CDK11A: variants seen among roughly 807,000 people sequenced by gnomAD.
CDK11A encodes cyclin-dependent kinase 11A.
CDK11A carries 55 observed loss-of-function variants against 83.6 expected under a neutral mutation model. That is an observed-to-expected ratio of 0.66 (90% CI 0.53 to 0.82). The LOEUF is 0.82. CDK11A is among the 40% of genes least tolerant of loss of function. The probability of loss-of-function intolerance (pLI) is 0.00; values close to 1 mark genes in which losing one functional copy is unlikely to be tolerated. For synonymous variants in CDK11A, 247 were observed against 302.7 expected (o/e 0.82, Z 1.91); for missense variants, 564 against 810.1 (o/e 0.70, Z 3.69).
At position 1,716,365 on chromosome 1, in the gene CDK11A, C is replaced by T. The variant is rs748675685; in HGVS notation, c.469G>A (p.Glu157Lys). Residue 157 changes from glutamate (E) to lysine (K), a missense_variant, in exon 5 of 20, where the codon GAG (glutamate) becomes AAG (lysine). Transcript: ENST00000404249. The part of the protein sequence containing the change: ...ERQKRREMAR[E>K]HSRRERDRLE... Reference sequence around the variant, plus strand: ...ACTCACCTTTCTCTCCTGGAATGCTCCCTTGCCATTTCCCTTCTCTTCTGT... The same window carrying T: ...ACTCACCTTTCTCTCCTGGAATGCTTCCTTGCCATTTCCCTTCTCTTCTGT... 1.2e-6 allele frequency: 2 copies of T among 1,609,214 alleles called. No individual in the cohort carries two copies. Among genetic ancestry groups the T allele is most frequent in the Admixed American group, 1.7e-5 (1 of 59,770 alleles).
At chr1:1,721,343 C>G (rs1346241413) in intron 3 of CDK11A, among the ~76,000 whole-genome samples, 1 of 150,452 alleles carries the variant, frequency 6.6e-6, no homozygotes, top group African/African-American at 2.5e-5. Context: ...ATAGTTAAAA[C>G]AGCACACCCC....
At chr1:1,706,520 G>A (rs1644316660) in intron 11 of CDK11A, among the ~76,000 whole-genome samples, 1 of 151,304 alleles carries the variant, frequency 6.6e-6, no homozygotes, top group South Asian at 2.1e-4. Context: ...CTCCACTCCA[G>A]CCTGGATGAC....
At chr1:1,718,027 G>A (rs113103071) in intron 4 of CDK11A, among the ~76,000 whole-genome samples, 1 of 98,178 alleles carries the variant, frequency 1.0e-5, no homozygotes. Context: ...TGTGACACAC[G>A]CATGCTTTTA....
chr1:1,705,240 CACAGCCACCT>C (rs1446716623), intron 12 of CDK11A, among the ~76,000 whole-genome samples: 1 of 120,504 alleles, frequency 8.3e-6, no homozygotes, highest in Non-Finnish European at 1.5e-5. Flanking sequence ...CACAGACACT[CACAGCCACCT>C]ACAGCCACCT....
chr1:1,713,520 C>G (rs1207249052), intron 5 of CDK11A, among the ~76,000 whole-genome samples: 13 of 111,900 alleles, frequency 1.2e-4, no homozygotes, highest in African/African-American at 3.8e-4. Context: ...ACTAAGAAAA[C>G]AACTTTCTTA....
chr1:1,704,720 G>A lies in CDK11A; in HGVS notation c.1459-65C>T, dbSNP rs1309816107. The A allele has an allele frequency of 6.3e-6, 10 of 1,599,896 alleles. 1 individual carries two copies. Among genetic ancestry groups the A allele is most frequent in the South Asian group, 1.1e-5 (1 of 89,682 alleles). On this transcript the variant is annotated intron_variant, in intron 13 of 19. Coordinates refer to ENST00000404249, the MANE Select transcript of CDK11A (RefSeq NM_024011.4). The stretch of plus-strand genomic sequence containing the variant: ...CCCCCACCCACCCCTGCACCCGGGC[G>A]CAGATGCTGAGGGACAGTAAGGACC...
chr1:1,703,758 C>T, intron 17 of CDK11A, 66 bp downstream of exon 17: 4 of 1,588,112 alleles, frequency 2.5e-6, no homozygotes, highest in Non-Finnish European at 3.4e-6. Context: ...CACCTGTGCG[C>T]CCCGCAGCCC....
At chr1:1,715,018 G>A (rs1040340508) in intron 5 of CDK11A, among the ~76,000 whole-genome samples, 31 of 148,310 alleles carry the variant, frequency 2.1e-4, no homozygotes, top group South Asian at 6.5e-4. Context: ...AAGGCAGCAA[G>A]GAAACTGCAG....
In CDK11A at chr1:1,704,445, T is replaced by A. The variant is rs771579447; in HGVS notation, c.1565-101A>T. 1.7e-5 allele frequency: 26 copies of A among 1,546,914 alleles called. 1 individual carries two copies. In the South Asian group the frequency reaches 2.9e-4, roughly 17 times the overall value. ...GCAGCAACAGAGGCTTCTCAGGGCT[T>A]TCCCTGTGGATGCAGCTGGCCCTCC... On this transcript the variant is annotated intron_variant, in intron 14 of 19. Transcript: ENST00000404249.
At chr1:1,712,087 G>A (rs1340625187) in intron 6 of CDK11A, among the ~76,000 whole-genome samples, 177 bp downstream of exon 6, 1 of 99,362 alleles carries the variant, frequency 1.0e-5, no homozygotes, top group East Asian at 2.8e-4. Context: ...CCGAGATCGC[G>A]CCACCGCACT....
chr1:1,716,853 T>A lies in CDK11A; in HGVS notation c.356-375A>T, dbSNP rs1422794194. On this transcript the variant is annotated intron_variant, in intron 4 of 19. Transcript: ENST00000404249. ...AAAAAAAAAAAAAAAAAAAAAAAAA[T>A]CACATGAAAATGAAATTAAATCAAG... 2.1e-4 allele frequency among the ~76,000 whole-genome samples: 19 copies of A among 89,606 alleles called. 1 individual carries two copies. Among genetic ancestry groups the A allele is most frequent in the South Asian group, 7.7e-4 (2 of 2,600 alleles). The allele number at this position is 89,606 out of a possible 152,430, so 58.8% of individuals were successfully genotyped here.
At chr1:1,713,584 C>T (rs549252177) in intron 5 of CDK11A, among the ~76,000 whole-genome samples, 15 of 89,084 alleles carry the variant, frequency 1.7e-4, no homozygotes, top group Admixed American at 2.8e-4. Flanking sequence ...AAGTCCAGTA[C>T]AATATAAAAC....
At chr1:1,720,272 A>AT in intron 3 of CDK11A, among the ~76,000 whole-genome samples, 1 of 144,602 alleles carries the variant, frequency 6.9e-6, no homozygotes, top group East Asian at 2.1e-4. Flanking sequence ...TTTTTTTTGT[A>AT]TTTTTTAGTA....
chr1:1,707,103 C>T (rs1644343968), intron 11 of CDK11A, among the ~76,000 whole-genome samples: 1 of 143,632 alleles, frequency 7.0e-6, no homozygotes, highest in Non-Finnish European at 1.5e-5. Flanking sequence ...CACTGCTCTC[C>T]AGTGCGGAGG....
chr1:1,719,700 C>T (rs1270434639), intron 3 of CDK11A, among the ~76,000 whole-genome samples: 2 of 140,714 alleles, frequency 1.4e-5, no homozygotes, highest in African/African-American at 2.7e-5. Flanking sequence ...ACTGCAACCT[C>T]CACCTTTCCG....
Position 1,704,026 on chromosome 1 carries a change from G to T in CDK11A, c.1794+13C>A. 6.3e-7 allele frequency: 1 copy of T among 1,598,164 alleles called. No homozygotes were observed. Among genetic ancestry groups the T allele is most frequent in the Non-Finnish European group, 8.5e-7 (1 of 1,170,484 alleles). ...TGGGGGACAGGGGAGGCACTCAGACGCCCAGGACTCACCTTGGCACCAAGC... is the reference window on the plus strand; with the variant it reads ...TGGGGGACAGGGGAGGCACTCAGACTCCCAGGACTCACCTTGGCACCAAGC... On this transcript the variant is annotated intron_variant, in intron 16 of 19. Coordinates refer to ENST00000404249, the MANE Select transcript of CDK11A (RefSeq NM_024011.4).
In CDK11A at chr1:1,719,529, T is replaced by C. The variant is rs1263484297; in HGVS notation, c.228-74A>G. Reference sequence around the variant, plus strand: ...AAGCATCAGGCTATTATGAGGTTTTTTCAACCCAGAAAAATGCATGATTCA... The same window carrying C: ...AAGCATCAGGCTATTATGAGGTTTTCTCAACCCAGAAAAATGCATGATTCA... On this transcript the variant is annotated intron_variant, in intron 3 of 19. Transcript: ENST00000404249. The C allele has an allele frequency of 4.0e-6, 5 of 1,236,428 alleles. 1 individual carries two copies. Among genetic ancestry groups the C allele is most frequent in the Non-Finnish European group, 5.3e-6 (5 of 941,478 alleles). 76.6% of individuals were successfully genotyped at this position (1,236,428 alleles called of 1,614,324 possible). A position where few individuals can be genotyped will look rare whatever the true frequency, so the allele number is the denominator to read the frequency against.
chr1:1,719,920 G>T (rs972905264), intron 3 of CDK11A, among the ~76,000 whole-genome samples: 1 of 148,536 alleles, frequency 6.7e-6, no homozygotes. Flanking sequence ...CGGCCTAGGA[G>T]TCTTAAGATT....
rs1454497007 is a variant in CDK11A, at chr1:1,703,562, C to T, written c.1974G>A (p.Lys658=). ...TGTAGGGGTGCTCGCTGAAGGTCAT[C>T]TTTTTGACTACTGGGAGCTCACTGT... ...PGYSELPVVK[K]MTFSEHPYNN... Residue 658 remains lysine, a synonymous_variant, in exon 18 of 20, where the codon AAG becomes AAA. Coordinates refer to ENST00000404249, the MANE Select transcript of CDK11A (RefSeq NM_024011.4). 2.5e-6 allele frequency: 4 copies of T among 1,571,058 alleles called. No individual in the cohort carries two copies. The highest frequency in any genetic ancestry group is 3.4e-6 in the Non-Finnish European group (4 of 1,169,580).
Sources: allele counts gnomAD v4.1 joint callset (sites outside exome capture counted in the v4.1 genomes callset), GRCh38; gene constraint gnomAD v4.1.1; transcripts MANE v1.5; gene names NCBI Gene and HGNC (gene_info 2026-07-23, HGNC 2026-07-21).